RAPGEF5: variants seen among roughly 807,000 people sequenced by gnomAD.
RAPGEF5 encodes M-Ras-regulated GEF.
A neutral mutation model predicts 125.2 loss-of-function variants in RAPGEF5; 65 were observed. The observed-to-expected ratio is 0.52, with a 90% CI of 0.43 to 0.64. The LOEUF (loss-of-function observed/expected upper bound fraction) is 0.64, where lower values mean the gene tolerates loss of function less well. Ranked by LOEUF, RAPGEF5 falls within the 30% of genes least tolerant of loss-of-function variation. The probability of loss-of-function intolerance (pLI) is 0.00; values close to 1 mark genes in which losing one functional copy is unlikely to be tolerated. For synonymous variants in RAPGEF5, 391 were observed against 385.9 expected, an observed-to-expected ratio of 1.01 and a Z score of -0.16; for missense variants, 958 against 1,048.1, an observed-to-expected ratio of 0.91 and a Z score of 1.19.
In RAPGEF5 at chr7:22,145,178, T is replaced by C. The variant is rs563482685; in HGVS notation, c.2052A>G (p.Glu684=). Residue 684 remains glutamate, a synonymous_variant, in exon 20 of 26, where the codon GAA becomes GAG. Coordinates refer to ENST00000665637, the MANE Select transcript of RAPGEF5 (RefSeq NM_012294.5). ...GCAGAAGGCTGAGATTTGCAGTGTGTTCCCCACTTCCCTGTCTGCTGAACG... is the reference window on the plus strand; with the variant it reads ...GCAGAAGGCTGAGATTTGCAGTGTGCTCCCCACTTCCCTGTCTGCTGAACG... ...YFTFSRQGSG[E]HTANLSLLLQ... is the part of the protein sequence containing the mutation. 656 of 1,613,388 alleles carry C rather than the reference T, an allele frequency of 4.1e-4. 10 individuals carry two copies. The South Asian group carries it at 6.8e-3, about 17-fold the overall frequency.
chr7:22,355,325 A>AT (rs1784401723), intron 1 of RAPGEF5, among the ~76,000 whole-genome samples: 1 of 152,206 alleles, frequency 6.6e-6, no homozygotes, highest in Non-Finnish European at 1.5e-5. Context: ...CTATAGATCT[A>AT]TTTATACAGA....
At chr7:22,132,779 C>A (rs1583391681) in intron 23 of RAPGEF5, among the ~76,000 whole-genome samples, 1 of 152,300 alleles carries the variant, frequency 6.6e-6, no homozygotes, top group East Asian at 1.9e-4. Flanking sequence ...TGACATCTTA[C>A]ATTTATTAAC....
At chr7:22,208,243 G>C (rs1785438948) in intron 9 of RAPGEF5, among the ~76,000 whole-genome samples, 2 of 152,050 alleles carry the variant, frequency 1.3e-5, no homozygotes, top group Admixed American at 1.3e-4. Context: ...ATTAATCTTA[G>C]CCAGATATTT....
chr7:22,259,150 A>G (rs1315286659), intron 7 of RAPGEF5, among the ~76,000 whole-genome samples: 1 of 139,790 alleles, frequency 7.2e-6, no homozygotes, highest in Non-Finnish European at 1.5e-5. Context: ...AAAGAACTCA[A>G]ACTCAACAAT....
In RAPGEF5 at chr7:22,287,349, T is replaced by C. The variant is rs1161344432; in HGVS notation, c.747+3826A>G. ...CATGTTCCTTCAATATGAAAACTCA[T>C]GTGTATCCTCTTCCAGAGTAAAATT... On this transcript the variant is annotated intron_variant, in intron 6 of 25. Coordinates refer to ENST00000665637, the MANE Select transcript of RAPGEF5 (RefSeq NM_012294.5). Among the ~76,000 whole-genome samples, 3 of 152,204 alleles carry C rather than the reference T, an allele frequency of 2.0e-5. No homozygotes were observed. The East Asian group carries it at 5.8e-4, about 29-fold the overall frequency.
At chr7:22,194,622 T>G in intron 9 of RAPGEF5, 1 of 985,166 alleles carries the variant, frequency 1.0e-6, no homozygotes, top group Non-Finnish European at 1.2e-6. Context: ...TTCAAATTTA[T>G]AATGTACTAG....
At chr7:22,200,533 A>T (rs774415357) in intron 9 of RAPGEF5, among the ~76,000 whole-genome samples, 1 of 152,186 alleles carries the variant, frequency 6.6e-6, no homozygotes, top group Non-Finnish European at 1.5e-5. Flanking sequence ...ACACATATTA[A>T]GATTAATAAC....
At chr7:22,253,603 C>T (rs1341711219) in intron 7 of RAPGEF5, among the ~76,000 whole-genome samples, 1 of 152,092 alleles carries the variant, frequency 6.6e-6, no homozygotes, top group African/African-American at 2.4e-5. Flanking sequence ...TATTAGAACA[C>T]TCAGCAATTA....
Position 22,143,208 on chromosome 7 carries a change from G to A in RAPGEF5, c.2186+1836C>T, listed in dbSNP as rs1003230802. Among the ~76,000 whole-genome samples the A allele has an allele frequency of 9.9e-5, 15 of 152,092 alleles. No individual in the cohort carries two copies. In the South Asian group the frequency reaches 1.2e-3, roughly 13 times the overall value. On this transcript the variant is annotated intron_variant, in intron 20 of 25. Transcript: ENST00000665637. The stretch of plus-strand genomic sequence containing the variant: ...ACAATGGCCAAATTTTTTTAAAAAA[G>A]CATTCACCATAAAAGTAATCAATAA...
At chr7:22,159,530 C>T (rs1219593684) in intron 14 of RAPGEF5, among the ~76,000 whole-genome samples, 4 of 152,130 alleles carry the variant, frequency 2.6e-5, no homozygotes, top group African/African-American at 9.7e-5. Context: ...TTTATGTTTA[C>T]GAAATAGAAA....
At chr7:22,251,274 C>T (rs1365054573) in intron 7 of RAPGEF5, among the ~76,000 whole-genome samples, 1 of 152,054 alleles carries the variant, frequency 6.6e-6, no homozygotes, top group Non-Finnish European at 1.5e-5. Flanking sequence ...TAGACAATGC[C>T]ACCCCCCCAG....
chr7:22,352,509 C>A (rs1358496759), intron 1 of RAPGEF5, among the ~76,000 whole-genome samples: 2 of 152,104 alleles, frequency 1.3e-5, no homozygotes, highest in East Asian at 3.9e-4. Flanking sequence ...CTTAGAATAT[C>A]TTGCGTCAGA....
At chr7:22,231,003 G>A (rs959781149) in intron 7 of RAPGEF5, 84 bp from the exon 8 acceptor site, 25 of 1,273,026 alleles carry the variant, frequency 2.0e-5, no homozygotes, top group South Asian at 4.0e-5. Context: ...GCAATTTAGC[G>A]GGAAAAAATG....
At chr7:22,331,654 A>G (rs1181899485) in intron 1 of RAPGEF5, among the ~76,000 whole-genome samples, 1 of 151,592 alleles carries the variant, frequency 6.6e-6, no homozygotes, top group Non-Finnish European at 1.5e-5. Context: ...CTGAGGCAGG[A>G]GAATAGCGTG....
At chr7:22,235,397 A>T (rs570570642) in intron 7 of RAPGEF5, among the ~76,000 whole-genome samples, 6 of 152,354 alleles carry the variant, frequency 3.9e-5, no homozygotes, top group African/African-American at 7.2e-5. Context: ...TCACTGCTAC[A>T]GTCAAGGATG....
rs941040461 is a variant in RAPGEF5 at position 22,146,997 on chromosome 7, T to A, written c.1907A>T (p.Glu636Val). 6.2e-7 allele frequency: 1 copy of A among 1,613,256 alleles called. No homozygotes were observed. The highest frequency in any genetic ancestry group is 8.5e-7 in the Non-Finnish European group (1 of 1,179,666). ...DTLNPFAENEESQQRSMRILG... is the reference protein window; with the variant it reads ...DTLNPFAENEVSQQRSMRILG... ...AATCCTCATCGACCTTTGCTGTGAT[T>A]CCTCATTTTCTGCAAATGGGTTCTA... The change falls in exon 19 of 26, where the codon GAA becomes GTA. Residue 636 changes from glutamate to valine, a missense_variant. Physicochemically the swap from Glu to Val is moderately radical, Grantham distance 121. Coordinates refer to ENST00000665637, the MANE Select transcript of RAPGEF5 (RefSeq NM_012294.5).
intron 6 of RAPGEF5, among the ~76,000 whole-genome samples, chr7:22,290,900 G>A (rs995617675): frequency 1.3e-5 from 2 of 151,740 alleles, no homozygotes; most frequent in African/African-American, 4.8e-5. Context: ...CTAGGTTAAC[G>A]CATACTGTAT....
intron 11 of RAPGEF5, among the ~76,000 whole-genome samples, chr7:22,175,268 T>G: frequency 6.6e-6 from 1 of 152,154 alleles, no homozygotes; most frequent in Non-Finnish European, 1.5e-5. Flanking sequence ...GTCCCTGGTT[T>G]GATGACCTTA....
Position 22,186,813 on chromosome 7 carries a change from C to T in RAPGEF5, c.1204+6554G>A, listed in dbSNP as rs374868538. On this transcript the variant is annotated intron_variant, in intron 11 of 25. Transcript: ENST00000665637. ...AAGAGATATGATGTAGTATATTTCACCACTGAGGGAAAATTGCTGCTTTTC... is the reference window on the plus strand; with the variant it reads ...AAGAGATATGATGTAGTATATTTCATCACTGAGGGAAAATTGCTGCTTTTC... Among the ~76,000 whole-genome samples the T allele has an allele frequency of 1.3e-3, 191 of 152,326 alleles. 1 individual carries two copies. Among genetic ancestry groups the T allele is most frequent in the African/African-American group, 4.4e-3 (183 of 41,572 alleles).
Sources: gnomAD v4.1 joint callset for allele counts (sites outside exome capture counted in the v4.1 genomes callset) on GRCh38, gnomAD v4.1.1 for gene constraint, MANE v1.5 for transcripts, NCBI Gene and HGNC (gene_info 2026-07-23, HGNC 2026-07-21) for gene names.